SLC2A13: variants seen among roughly 807,000 people sequenced by gnomAD.
SLC2A13 encodes the protein solute carrier family 2 member 13.
Under a neutral mutation model 64.4 loss-of-function variants are expected in SLC2A13, and 32 were observed. The ratio of observed to expected loss-of-function variants is 0.50; its 90% CI spans 0.37 to 0.67. The LOEUF (loss-of-function observed/expected upper bound fraction) is 0.67, where lower values mean the gene tolerates loss of function less well. Among genes scored for constraint, SLC2A13 ranks in the 30% least tolerant of loss-of-function variants. The pLI is 0.00. For missense variants in SLC2A13, 743 were observed against 829.2 expected (o/e 0.90, Z 1.28); for synonymous variants, 338 against 327.1 (o/e 1.03, Z -0.36).
At chr12:39,899,563 T>C (rs1033644170) in intron 4 of SLC2A13, among the ~76,000 whole-genome samples, 36 of 152,172 alleles carry the variant, frequency 2.4e-4, no homozygotes, top group Non-Finnish European at 3.7e-4. Flanking sequence ...GTTCTTTCAA[T>C]TGTGATGTTA....
intron 3 of SLC2A13, among the ~76,000 whole-genome samples, chr12:39,951,980 CGTGT>C (rs889271050): frequency 2.0e-5 from 3 of 150,592 alleles, no homozygotes; most frequent in Admixed American, 6.6e-5. Context: ...TGTGTGTGTA[CGTGT>C]GTGTGTGTGT....
At chr12:39,860,063 G>T (rs1049234753) in intron 6 of SLC2A13, among the ~76,000 whole-genome samples, 2 of 152,192 alleles carry the variant, frequency 1.3e-5, no homozygotes, top group Non-Finnish European at 2.9e-5. Flanking sequence ...AGAAGCTGTT[G>T]TGTCGTTGGT....
intron 2 of SLC2A13, among the ~76,000 whole-genome samples, chr12:40,043,511 A>T (rs1055115757): frequency 6.6e-6 from 1 of 152,092 alleles, no homozygotes; most frequent in Non-Finnish European, 1.5e-5. Context: ...TTCTCTGAGC[A>T]TCAAGTTTTA....
intron 6 of SLC2A13, among the ~76,000 whole-genome samples, chr12:39,835,180 C>T (rs1156281565): frequency 6.6e-6 from 1 of 152,024 alleles, no homozygotes; most frequent in Admixed American, 6.6e-5. Context: ...TATTTGTCCC[C>T]TTCCACAGTG....
At chr12:39,869,638 G>T (rs1943992279) in intron 5 of SLC2A13, among the ~76,000 whole-genome samples, 1 of 152,092 alleles carries the variant, frequency 6.6e-6, no homozygotes, top group African/African-American at 2.4e-5. Context: ...GAAATCCCCT[G>T]GTGTTTCCCG....
At chr12:39,764,409 AAT>A in intron 9 of SLC2A13, 49 bp downstream of exon 9, 1 of 1,430,406 alleles carries the variant, frequency 7.0e-7, no homozygotes, top group Non-Finnish European at 9.4e-7. Context: ...TGTATCTAAA[AAT>A]AGTGATAAAA....
chr12:40,065,651 C>T (rs1937692725), intron 1 of SLC2A13, among the ~76,000 whole-genome samples: 1 of 152,110 alleles, frequency 6.6e-6, no homozygotes, highest in Non-Finnish European at 1.5e-5. Context: ...ATGGCTTGGA[C>T]ACCTTATAAC....
At chr12:39,774,745 A>G (rs1940713611) in intron 7 of SLC2A13, among the ~76,000 whole-genome samples, 1 of 152,186 alleles carries the variant, frequency 6.6e-6, no homozygotes, top group Non-Finnish European at 1.5e-5. Flanking sequence ...AAAGCCTTAG[A>G]AATTTGGAGC....
intron 3 of SLC2A13, among the ~76,000 whole-genome samples, chr12:40,006,552 C>T (rs1280660068): frequency 6.6e-6 from 1 of 151,970 alleles, no homozygotes; most frequent in African/African-American, 2.4e-5. Flanking sequence ...AATATAGTAA[C>T]AAAATAATGA....
rs530640910 is a variant in SLC2A13, at chr12:39,939,852, A to T, written c.1034+11405T>A. 7.9e-5 allele frequency among the ~76,000 whole-genome samples: 12 copies of T among 152,300 alleles called. No individual in the cohort carries two copies. The South Asian group carries it at 2.5e-3, about 32-fold the overall frequency. On this transcript the variant is annotated intron_variant, in intron 4 of 9. Transcript: ENST00000280871. The stretch of plus-strand genomic sequence containing the variant: ...TTTCAAACGTTTTAGCTTCCATTCT[A>T]CTTGAAACTCCATGAAACTCCATTT...
intron 4 of SLC2A13, among the ~76,000 whole-genome samples, chr12:39,905,647 A>C (rs1218376837): frequency 2.0e-5 from 3 of 152,110 alleles, no homozygotes; most frequent in Non-Finnish European, 4.4e-5. Flanking sequence ...ATAGGATGCT[A>C]TCCTTTAAGA....
intron 3 of SLC2A13, among the ~76,000 whole-genome samples, chr12:40,010,584 C>A (rs941475173): frequency 6.6e-6 from 1 of 152,174 alleles, no homozygotes; most frequent in Non-Finnish European, 1.5e-5. Flanking sequence ...TAGAATCCAT[C>A]TAATTTTAAT....
chr12:40,049,487 G>A (rs76327827), intron 1 of SLC2A13, among the ~76,000 whole-genome samples: 2 of 152,238 alleles, frequency 1.3e-5, no homozygotes, highest in East Asian at 3.9e-4. Flanking sequence ...TTTCTCTATG[G>A]TCTCAGTAAC....
chr12:39,945,816 T>TAC (rs1946122328), intron 4 of SLC2A13, among the ~76,000 whole-genome samples: 1 of 152,190 alleles, frequency 6.6e-6, no homozygotes, highest in Admixed American at 6.5e-5. Flanking sequence ...CCTCCCTGAT[T>TAC]AGCTTAATAA....
intron 1 of SLC2A13, among the ~76,000 whole-genome samples, chr12:40,079,373 A>G (rs1027900306): frequency 6.6e-6 from 1 of 152,216 alleles, no homozygotes; most frequent in African/African-American, 2.4e-5. Context: ...ACTCTACACA[A>G]AAGTCATTCA....
intron 4 of SLC2A13, among the ~76,000 whole-genome samples, chr12:39,879,335 A>G (rs927852353): frequency 1.3e-5 from 2 of 152,216 alleles, no homozygotes; most frequent in African/African-American, 4.8e-5. Context: ...TCTAGACCCC[A>G]GAATGGTAGA....
chr12:39,900,743 T>C (rs990524899), intron 4 of SLC2A13, among the ~76,000 whole-genome samples: 4 of 152,124 alleles, frequency 2.6e-5, no homozygotes, highest in Admixed American at 1.3e-4. Context: ...GAATCAATAT[T>C]GTGAAAATGG....
rs79205404 is a variant in SLC2A13, at chr12:40,104,730, G to A, written c.556+523C>T. Among the ~76,000 whole-genome samples, 226 of 152,296 alleles carry A rather than the reference G, an allele frequency of 1.5e-3. 1 individual carries two copies. The East Asian group carries it at 0.03, about 20-fold the overall frequency. On this transcript the variant is annotated intron_variant, in intron 1 of 9. Transcript: ENST00000280871. ...AATGCTAGATAAGCAAAGAGGGCAG[G>A]GGTCGCTAATAAACCTTTCAGAGTC...
intron 4 of SLC2A13, among the ~76,000 whole-genome samples, chr12:39,931,097 T>G (rs1945818889): frequency 6.6e-6 from 1 of 152,240 alleles, no homozygotes; most frequent in Non-Finnish European, 1.5e-5. Flanking sequence ...TCAGTTTTTC[T>G]GACTTTAGAA....
Sources: allele counts gnomAD v4.1 joint callset (sites outside exome capture counted in the v4.1 genomes callset), GRCh38; gene constraint gnomAD v4.1.1; transcripts MANE v1.5; gene names NCBI Gene and HGNC (gene_info 2026-07-23, HGNC 2026-07-21).